TTC17: variants seen among roughly 807,000 people sequenced by gnomAD.
The protein encoded by TTC17 is tetratricopeptide repeat protein 17.
A neutral mutation model predicts 143.8 loss-of-function variants in TTC17; 58 were observed. That is an observed-to-expected ratio of 0.40 (90% CI 0.33 to 0.50). The LOEUF is 0.50. TTC17 is among the 20% of genes least tolerant of loss of function. The pLI, the probability that TTC17 is intolerant of heterozygous loss-of-function variation, is 0.49. For synonymous variants in TTC17, 501 were observed against 497.8 expected (o/e 1.01, Z -0.09); for missense variants, 1,273 against 1,392.5 (o/e 0.91, Z 1.37).
intron 21 of TTC17, chr11:43,486,350 C>T: frequency 2.4e-6 from 1 of 422,784 alleles, no homozygotes; most frequent in South Asian, 1.7e-5. Context: ...TAGAAGCTCC[C>T]TGCCTGTCAT....
Position 43,401,559 on chromosome 11 carries a change from G to A in TTC17, c.1332+1G>A. On this transcript the variant is annotated splice_donor_variant, in intron 10 of 23. Transcript: ENST00000039989. LOFTEE classifies it high-confidence loss of function. The stretch of plus-strand genomic sequence containing the variant: ...CTTTGAAAATGTGGACTATGTTCAG[G>A]TCTTTTTCTTGGTCCAGTCTAATTC... The A allele has an allele frequency of 6.2e-7, 1 of 1,600,618 alleles. No homozygotes were observed. The highest frequency in any genetic ancestry group is 8.5e-7 in the Non-Finnish European group (1 of 1,172,030).
intron 15 of TTC17, among the ~76,000 whole-genome samples, chr11:43,409,993 C>T (rs1483024435): frequency 6.6e-6 from 1 of 151,908 alleles, no homozygotes; most frequent in Non-Finnish European, 1.5e-5. Flanking sequence ...AGGTGCATAC[C>T]ACCATGCCCG....
At chr11:43,482,080 G>A (rs1423563262) in intron 21 of TTC17, among the ~76,000 whole-genome samples, 1 of 152,034 alleles carries the variant, frequency 6.6e-6, no homozygotes, top group Non-Finnish European at 1.5e-5. Context: ...AAAGTGCTGG[G>A]ATTACAGCCA....
intron 2 of TTC17, among the ~76,000 whole-genome samples, chr11:43,387,504 CCATT>C: frequency 6.6e-6 from 1 of 151,494 alleles, no homozygotes; most frequent in Non-Finnish European, 1.5e-5. Flanking sequence ...GGCTCTGTCC[CCATT>C]AATAATAACC....
At chr11:43,454,977 T>A (rs924866068) in intron 21 of TTC17, among the ~76,000 whole-genome samples, 11 of 151,864 alleles carry the variant, frequency 7.2e-5, no homozygotes, top group African/African-American at 2.7e-4. Context: ...AATACATCTT[T>A]TTGTCATTTG....
intron 2 of TTC17, among the ~76,000 whole-genome samples, chr11:43,386,409 G>A (rs1565137810): frequency 6.6e-6 from 1 of 152,140 alleles, no homozygotes; most frequent in Non-Finnish European, 1.5e-5. Context: ...TAACATAATG[G>A]TAAGTATTTG....
chr11:43,365,915 A>G (rs758153530), intron 1 of TTC17, among the ~76,000 whole-genome samples: 13 of 151,942 alleles, frequency 8.6e-5, no homozygotes, highest in Non-Finnish European at 1.5e-4. Context: ...ATCAGTTACC[A>G]TATGTATGCT....
chr11:43,403,727 A>G (rs762310622), intron 10 of TTC17, among the ~76,000 whole-genome samples: 2 of 126,488 alleles, frequency 1.6e-5, no homozygotes, highest in Non-Finnish European at 3.9e-5. Context: ...AGACTAAATC[A>G]TAAAAATGAA....
intron 1 of TTC17, among the ~76,000 whole-genome samples, chr11:43,368,962 C>A (rs1758886743): frequency 6.6e-6 from 1 of 152,190 alleles, no homozygotes; most frequent in Admixed American, 6.5e-5. Flanking sequence ...GACCTTTGTC[C>A]TTGCTTCTTC....
At chr11:43,464,041 T>G (rs374741007) in intron 21 of TTC17, among the ~76,000 whole-genome samples, 4 of 152,266 alleles carry the variant, frequency 2.6e-5, no homozygotes, top group African/African-American at 9.6e-5. Flanking sequence ...TTTGGGAGGC[T>G]GAGGCGGGTG....
rs538385556 is a variant in TTC17, at chr11:43,392,374, A to G, written c.663+422A>G. On this transcript the variant is annotated intron_variant, in intron 5 of 23. Coordinates refer to ENST00000039989, the MANE Select transcript of TTC17 (RefSeq NM_018259.6). ...TTCTGTAACTTTCTTTTAAGAGACTATCTACTTTAAAAAAAATGAAATAGG... is the reference window on the plus strand; with the variant it reads ...TTCTGTAACTTTCTTTTAAGAGACTGTCTACTTTAAAAAAAATGAAATAGG... Among the ~76,000 whole-genome samples the G allele has an allele frequency of 3.9e-5, 6 of 152,296 alleles. No homozygotes were observed. The South Asian group carries it at 1.0e-3, about 26-fold the overall frequency.
At chr11:43,376,359 A>G (rs994275367) in intron 1 of TTC17, among the ~76,000 whole-genome samples, 1 of 152,164 alleles carries the variant, frequency 6.6e-6, no homozygotes, top group African/African-American at 2.4e-5. Flanking sequence ...TTTTCCCTGT[A>G]GTTTAAATTT....
intron 21 of TTC17, among the ~76,000 whole-genome samples, chr11:43,462,300 C>T (rs1947883952): frequency 6.6e-6 from 1 of 152,196 alleles, no homozygotes; most frequent in African/African-American, 2.4e-5. Flanking sequence ...AAGAAGAGGA[C>T]TTTGCAGATA....
chr11:43,422,707 A>T (rs1946935226), intron 16 of TTC17, among the ~76,000 whole-genome samples: 2 of 152,196 alleles, frequency 1.3e-5, no homozygotes, highest in South Asian at 4.1e-4. Context: ...ATTGAGCTGG[A>T]TGTGGGCAGA....
At chr11:43,422,465 G>T (rs1946928303) in intron 16 of TTC17, among the ~76,000 whole-genome samples, 1 of 152,058 alleles carries the variant, frequency 6.6e-6, no homozygotes, top group Non-Finnish European at 1.5e-5. Context: ...CATTAGCTTG[G>T]ATGAAATTAC....
chr11:43,421,050 A>T (rs765363761), intron 16 of TTC17, among the ~76,000 whole-genome samples: 6 of 152,230 alleles, frequency 3.9e-5, no homozygotes, highest in Non-Finnish European at 7.3e-5. Flanking sequence ...TGGAAACCAA[A>T]CAGAAAATAC....
intron 16 of TTC17, among the ~76,000 whole-genome samples, chr11:43,438,771 C>G (rs1384430610): frequency 6.6e-6 from 1 of 152,146 alleles, no homozygotes; most frequent in Non-Finnish European, 1.5e-5. Flanking sequence ...CCCTAAACTC[C>G]TTGAAACTTC....
In TTC17 at chr11:43,483,619, T is replaced by C. The variant is rs558394817; in HGVS notation, c.3031-6620T>C. Among the ~76,000 whole-genome samples the C allele has an allele frequency of 2.9e-4, 44 of 152,286 alleles. 1 individual carries two copies. In the South Asian group the frequency reaches 8.1e-3, roughly 28 times the overall value. On this transcript the variant is annotated intron_variant, in intron 21 of 23. Transcript: ENST00000039989. ...TCACCAAATTAAAGGAAAAAAACTA[T>C]GAAATCATTTCAGTAGATTGCATTT...
At chr11:43,451,570 A>T (rs961937401) in intron 21 of TTC17, among the ~76,000 whole-genome samples, 2 of 152,208 alleles carry the variant, frequency 1.3e-5, no homozygotes, top group Non-Finnish European at 2.9e-5. Flanking sequence ...AGGTATATGA[A>T]ATAAGTCAGA....
Sources: gnomAD v4.1 joint callset for allele counts (sites outside exome capture counted in the v4.1 genomes callset) on GRCh38, gnomAD v4.1.1 for gene constraint, MANE v1.5 for transcripts, NCBI Gene and HGNC (gene_info 2026-07-23, HGNC 2026-07-21) for gene names.